Variants in MED13 observed in about 807,000 individuals in gnomAD.
The protein encoded by MED13 is mediator of RNA polymerase II transcription subunit 13.
MED13 carries 23 observed loss-of-function variants against 225.2 expected under a neutral mutation model. The observed-to-expected ratio is 0.10, with a 90% CI of 0.07 to 0.14. The LOEUF is 0.14. MED13 is among the 10% of genes least tolerant of loss of function. The pLI, the probability that MED13 is intolerant of heterozygous loss-of-function variation, is 1.00. For synonymous variants in MED13, 942 were observed against 889.2 expected, an observed-to-expected ratio of 1.06 and a Z score of -1.06; for missense variants, 2,197 against 2,594.5, an observed-to-expected ratio of 0.85 and a Z score of 3.33.
intron 2 of MED13, among the ~76,000 whole-genome samples, chr17:62,058,416 G>C (rs1423439607): frequency 1.3e-5 from 2 of 151,506 alleles, no homozygotes; most frequent in Non-Finnish European, 2.9e-5. Flanking sequence ...AACTACTCGG[G>C]AGGCTGAGGC....
intron 2 of MED13, among the ~76,000 whole-genome samples, chr17:62,052,936 T>C (rs915445242): frequency 6.6e-6 from 1 of 152,188 alleles, no homozygotes; most frequent in Non-Finnish European, 1.5e-5. Flanking sequence ...AAAGTATTTT[T>C]CCACCTTATA....
intron 2 of MED13, among the ~76,000 whole-genome samples, chr17:62,054,952 A>G (rs2080985076): frequency 6.6e-6 from 1 of 152,278 alleles, no homozygotes; most frequent in Non-Finnish European, 1.5e-5. Flanking sequence ...TACCATTTGT[A>G]AGTATCAAGG....
intron 26 of MED13, among the ~76,000 whole-genome samples, chr17:61,954,110 A>G (rs776405973): frequency 1.4e-4 from 21 of 152,202 alleles, no homozygotes; most frequent in Non-Finnish European, 2.6e-4. Context: ...AAATCATGTA[A>G]AGCAAAACCA....
At chr17:62,019,906 G>A (rs960810788) in intron 8 of MED13, among the ~76,000 whole-genome samples, 1 of 151,896 alleles carries the variant, frequency 6.6e-6, no homozygotes, top group African/African-American at 2.4e-5. Flanking sequence ...ACCAAGCCTG[G>A]CTAATTTTTT....
intron 15 of MED13, among the ~76,000 whole-genome samples, 194 bp downstream of exon 15, chr17:61,983,977 C>G (rs1475764155): frequency 6.6e-6 from 1 of 152,138 alleles, no homozygotes; most frequent in Admixed American, 6.5e-5. Context: ...ATACGCCTGC[C>G]TTGGCCTCCC....
intron 3 of MED13, among the ~76,000 whole-genome samples, chr17:62,051,089 T>C (rs1265038429): frequency 1.3e-5 from 2 of 152,258 alleles, no homozygotes; most frequent in Non-Finnish European, 2.9e-5. Context: ...TTGGTATCTA[T>C]CTAATATCTA....
Position 62,029,484 on chromosome 17 carries a change from T to C in MED13, c.1283+57A>G, listed in dbSNP as rs577692108. On this transcript the variant is annotated intron_variant, in intron 8 of 29. Coordinates refer to ENST00000397786, the MANE Select transcript of MED13 (RefSeq NM_005121.3). ...GTTTCAAATAAAGTGGGCATAAGCA[T>C]TCAGTGGCGTAACAAACTATCACAC... 1.3e-4 allele frequency: 177 copies of C among 1,315,426 alleles called. No homozygotes were observed. The East Asian group carries it at 3.5e-3, about 26-fold the overall frequency. 81.5% of individuals were successfully genotyped at this position (1,315,426 alleles called of 1,614,324 possible).
intron 3 of MED13, among the ~76,000 whole-genome samples, chr17:62,046,045 C>T (rs2080894628): frequency 6.6e-6 from 1 of 152,170 alleles, no homozygotes. Flanking sequence ...TCTTTCTTTA[C>T]AACTCTTGTT....
chr17:62,023,600 C>T (rs2080670547), intron 8 of MED13, among the ~76,000 whole-genome samples: 1 of 152,132 alleles, frequency 6.6e-6, no homozygotes, highest in South Asian at 2.1e-4. Context: ...TCTGTTAGTG[C>T]CTCCTATTAG....
At chr17:62,013,965 G>A (rs1453429953) in intron 8 of MED13, among the ~76,000 whole-genome samples, 1 of 152,096 alleles carries the variant, frequency 6.6e-6, no homozygotes, top group African/African-American at 2.4e-5. Flanking sequence ...CTTCAACCCA[G>A]GAGGTGGAGG....
intron 3 of MED13, among the ~76,000 whole-genome samples, chr17:62,051,320 G>A (rs1315187187): frequency 2.0e-5 from 3 of 152,156 alleles, no homozygotes; most frequent in African/African-American, 7.2e-5. Context: ...ACACACGGGA[G>A]GACCATGAAG....
intron 9 of MED13, among the ~76,000 whole-genome samples, chr17:62,009,627 AGGGT>A (rs1298533215): frequency 1.3e-5 from 2 of 152,210 alleles, no homozygotes; most frequent in Non-Finnish European, 2.9e-5. Context: ...CTGGTTCATG[AGGGT>A]TTAAACTATA....
At chr17:62,043,484 A>G (rs2080873254) in intron 3 of MED13, among the ~76,000 whole-genome samples, 1 of 152,190 alleles carries the variant, frequency 6.6e-6, no homozygotes, top group African/African-American at 2.4e-5. Context: ...TGACTGATAC[A>G]AGGTACGGGA....
At chr17:61,951,950 T>A (rs1431954330) in intron 27 of MED13, among the ~76,000 whole-genome samples, 2 of 152,162 alleles carry the variant, frequency 1.3e-5, no homozygotes, top group Admixed American at 6.6e-5. Context: ...TAGGCTGGAA[T>A]GCAGTGGTGC....
chr17:62,050,307 G>A (rs1008024787), intron 3 of MED13, among the ~76,000 whole-genome samples: 7 of 151,012 alleles, frequency 4.6e-5, no homozygotes, highest in Non-Finnish European at 8.8e-5. Context: ...GCAGTGAGCC[G>A]AGATCATACC....
intron 3 of MED13, among the ~76,000 whole-genome samples, chr17:62,040,039 T>C (rs977099869): frequency 2.6e-5 from 4 of 152,130 alleles, no homozygotes; most frequent in African/African-American, 9.7e-5. Flanking sequence ...CTTAAGTAGC[T>C]TGAACTACAG....
chr17:61,995,145 C>A lies in MED13; in HGVS notation c.2181+7G>T. The A allele has an allele frequency of 1.2e-6, 2 of 1,604,042 alleles. No homozygotes were observed. Among genetic ancestry groups the A allele is most frequent in the Non-Finnish European group, 1.7e-6 (2 of 1,171,416 alleles). On this transcript the variant is annotated splice_region_variant and intron_variant, in intron 10 of 29. Coordinates refer to ENST00000397786, the MANE Select transcript of MED13 (RefSeq NM_005121.3). ...GTGACCCTTTGGTGTACTGTGATTT[C>A]TCTTACCTTGTGTTTTTTTCCAGCT...
At position 61,955,507 on chromosome 17, in the gene MED13, T is replaced by A. The variant is rs1453853535; in HGVS notation, c.5843A>T (p.Gln1948Leu). The A allele has an allele frequency of 5.6e-6, 9 of 1,595,280 alleles. No individual in the cohort carries two copies. The highest frequency in any genetic ancestry group is 7.7e-6 in the Non-Finnish European group (9 of 1,174,046). The change falls in exon 26 of 30, where the codon CAG becomes CTG. Residue 1948 changes from glutamine (Q) to leucine (L), a missense_variant. This residue lies in a region of MED13 where 216 missense variants were observed against 388.9 expected (regional missense o/e 0.56). Coordinates refer to ENST00000397786, the MANE Select transcript of MED13 (RefSeq NM_005121.3). ...RSTTLNMQTS[Q>L]LNTPQDTSCT... is the part of the protein sequence containing the mutation. ...TGATGTATCCTGTGGGGTATTTAGC[T>A]GAGATGTCTGCATATTTAGAGTCGT...
intron 3 of MED13, among the ~76,000 whole-genome samples, chr17:62,043,196 A>C (rs1214659826): frequency 6.6e-6 from 1 of 150,530 alleles, no homozygotes; most frequent in Admixed American, 6.6e-5. Context: ...AAAGAAAGAA[A>C]GAAAGAAAAA....
Sources: allele counts gnomAD v4.1 joint callset (sites outside exome capture counted in the v4.1 genomes callset), GRCh38; gene constraint gnomAD v4.1.1; regional missense constraint gnomAD v4.1.1; transcripts MANE v1.5; gene names NCBI Gene and HGNC (gene_info 2026-07-23, HGNC 2026-07-21).